Variants in LRRC51 observed in about 807,000 individuals in gnomAD.
LRRC51 encodes the protein leucine rich repeat containing 51, also known as leucine-rich repeat-containing protein 51.
Under a neutral mutation model 17.8 loss-of-function variants are expected in LRRC51, and 8 were observed. The observed-to-expected ratio is 0.45, with a 90% CI of 0.26 to 0.81. The LOEUF is 0.81. Ranked by LOEUF, LRRC51 falls within the 30% of genes least tolerant of loss-of-function variation. LRRC51 has a pLI of 0.17. For synonymous variants in LRRC51, 92 were observed against 96.0 expected (o/e 0.96, Z 0.24); for missense variants, 233 against 239.3 (o/e 0.97, Z 0.17).
intron 3 of LRRC51, among the ~76,000 whole-genome samples, chr11:72,091,846 A>G (rs986290546): frequency 6.6e-6 from 1 of 152,114 alleles, no homozygotes; most frequent in Non-Finnish European, 1.5e-5. Context: ...TTGGCCTCCC[A>G]AAGTGCTGGG....
chr11:72,095,316 C>G, intron 5 of LRRC51, 63 bp from the exon 6 acceptor site: 3 of 1,612,562 alleles, frequency 1.9e-6, no homozygotes, highest in Non-Finnish European at 2.5e-6. Flanking sequence ...ACAACAGCAA[C>G]TAGTGGAGGG....
At chr11:72,090,468 A>G (rs1944792366) in intron 3 of LRRC51, among the ~76,000 whole-genome samples, 1 of 152,142 alleles carries the variant, frequency 6.6e-6, no homozygotes, top group Admixed American at 6.5e-5. Flanking sequence ...CTGAGCACTT[A>G]CTAAAAGCAT....
chr11:72,093,505 A>G lies in LRRC51; in HGVS notation c.92A>G (p.Asn31Ser). The G allele has an allele frequency of 6.2e-7, 1 of 1,613,012 alleles. No individual in the cohort carries two copies. Among genetic ancestry groups the G allele is most frequent in the Non-Finnish European group, 8.5e-7 (1 of 1,179,550 alleles). Residue 31 changes from asparagine (N) to serine (S), a missense_variant, in exon 4 of 6, where the codon AAT (asparagine) becomes AGT (serine). Coordinates refer to ENST00000289488, the MANE Select transcript of LRRC51 (RefSeq NM_145309.6). Reference sequence around the variant, plus strand: ...CACTTTGTCCCCACAGATCTGGTAAATGAGGAGCCAAGGACAGGACTACGA... The same window carrying G: ...CACTTTGTCCCCACAGATCTGGTAAGTGAGGAGCCAAGGACAGGACTACGA... ...RSIHVIQDLV[N>S]EEPRTGLRPL... is the part of the protein sequence containing the mutation.
intron 4 of LRRC51, 119 bp from the exon 5 acceptor site, chr11:72,094,829 G>A: frequency 6.3e-7 from 1 of 1,586,306 alleles, no homozygotes; most frequent in South Asian, 1.1e-5. Context: ...GCTGTGGAGG[G>A]TTGGAGTGGA....
intron 1 of LRRC51, chr11:72,085,642 G>C (rs140061673): frequency 6.6e-6 from 1 of 152,136 alleles, no homozygotes; most frequent in East Asian, 1.9e-4. Flanking sequence ...AGTACAGTGG[G>C]GGCATGCAGA....
rs1487502205 is a variant in LRRC51 at position 72,096,485 on chromosome 11, A to C, written c.*965A>C. ...ACTCCTGACCTCAGGTGATCTGCCC[A>C]CCTCAGCCTCCCAAAGTGCTAGGAT... On this transcript the variant is annotated 3_prime_UTR_variant, in exon 6 of 6. Transcript: ENST00000289488. 8.6e-7 allele frequency: 1 copy of C among 1,159,588 alleles called. No homozygotes were observed. Among genetic ancestry groups the C allele is most frequent in the Non-Finnish European group, 1.1e-6 (1 of 935,916 alleles). 71.8% of individuals were successfully genotyped at this position (1,159,588 alleles called of 1,614,324 possible).
At chr11:72,083,061 C>A (rs1484415501) in intron 1 of LRRC51, among the ~76,000 whole-genome samples, 1 of 152,162 alleles carries the variant, frequency 6.6e-6, no homozygotes, top group Non-Finnish European at 1.5e-5. Flanking sequence ...GACGGGGTTT[C>A]TCCATGTTGG....
chr11:72,086,303 T>G, intron 1 of LRRC51: 1 of 649,624 alleles, frequency 1.5e-6, no homozygotes, highest in Admixed American at 2.4e-5. Context: ...CAGGTCTTTC[T>G]GTGCTCATGA....
At chr11:72,088,657 C>T (rs768954250) in intron 2 of LRRC51, 1 of 551,910 alleles carries the variant, frequency 1.8e-6, no homozygotes, top group Non-Finnish European at 3.2e-6. Context: ...TCCACAGTAA[C>T]TACTGTAGAG....
At chr11:72,092,889 A>G (rs1944944262) in intron 3 of LRRC51, among the ~76,000 whole-genome samples, 1 of 152,124 alleles carries the variant, frequency 6.6e-6, no homozygotes, top group Non-Finnish European at 1.5e-5. Context: ...TGCTGCTACA[A>G]CTATTATATA....
At position 72,088,292 on chromosome 11, in the gene LRRC51, G is replaced by A; in HGVS notation, c.-139-5G>A. On this transcript the variant is annotated splice_polypyrimidine_tract_variant and splice_region_variant and intron_variant, in intron 1 of 5. Coordinates refer to ENST00000289488, the MANE Select transcript of LRRC51 (RefSeq NM_145309.6). ...TGATAACAACATTGTGTTCATCCCTGTCAGGGAGTATTTCCATTTTAACCG... is the reference window on the plus strand; with the variant it reads ...TGATAACAACATTGTGTTCATCCCTATCAGGGAGTATTTCCATTTTAACCG... 2 of 696,842 alleles carry A rather than the reference G, an allele frequency of 2.9e-6. No homozygotes were observed. The highest frequency in any genetic ancestry group is 3.0e-5 in the South Asian group (2 of 66,634). The allele number at this position is 696,842 out of a possible 1,614,324, so 43.2% of individuals were successfully genotyped here.
Position 72,096,401 on chromosome 11 carries a change from C to T in LRRC51, c.*881C>T, listed in dbSNP as rs563842440. The T allele has an allele frequency of 4.6e-6, 2 of 438,368 alleles. No homozygotes were observed. Among genetic ancestry groups the T allele is most frequent in the East Asian group, 1.2e-4 (1 of 8,136 alleles). 27.2% of individuals were successfully genotyped at this position (438,368 alleles called of 1,614,324 possible). On this transcript the variant is annotated 3_prime_UTR_variant, in exon 6 of 6. Coordinates refer to ENST00000289488, the MANE Select transcript of LRRC51 (RefSeq NM_145309.6). ...TAGAAGCGTGAGCCACCACGCCCAG[C>T]CTTTTTTTGTATTTTTAGTAGAGAT...
At chr11:72,087,252 A>G (rs536787865) in intron 1 of LRRC51, among the ~76,000 whole-genome samples, 1 of 151,510 alleles carries the variant, frequency 6.6e-6, no homozygotes, top group East Asian at 1.9e-4. Context: ...AAACTGAATT[A>G]TAAGATATCA....
intron 1 of LRRC51, among the ~76,000 whole-genome samples, chr11:72,082,921 A>G (rs1944326955): frequency 6.6e-6 from 1 of 151,572 alleles, no homozygotes; most frequent in African/African-American, 2.4e-5. Context: ...GCTGGAGTGC[A>G]ATGGCGCAAT....
In LRRC51 at chr11:72,088,321, A is replaced by G. The variant is rs1944660661; in HGVS notation, c.-115A>G. The G allele has an allele frequency of 7.1e-6, 5 of 701,952 alleles. No individual in the cohort carries two copies. The highest frequency in any genetic ancestry group is 2.7e-5 in the East Asian group (1 of 37,292). 43.5% of individuals were successfully genotyped at this position (701,952 alleles called of 1,614,324 possible). ...GGGAGTATTTCCATTTTAACCGGAA[A>G]CAATCCCTGAACCCACAGGAATGAA... On this transcript the variant is annotated 5_prime_UTR_variant, in exon 2 of 6. Transcript: ENST00000289488.
intron 3 of LRRC51, 22 bp downstream of exon 3, chr11:72,089,187 C>G (rs12794072): frequency 1.3e-4 from 203 of 1,614,022 alleles, no homozygotes; most frequent in Non-Finnish European, 1.7e-4. Flanking sequence ...GAGCACAGTA[C>G]TCCACTCACT....
chr11:72,096,693 G>C lies in LRRC51; in HGVS notation c.*1173G>C, dbSNP rs1213600388. ...TCAGCTTAGAGATTTGGGGGTTAAA[G>C]TAGATCAGTAATTTCCAAACTCTTC... On this transcript the variant is annotated 3_prime_UTR_variant, in exon 6 of 6. Coordinates refer to ENST00000289488, the MANE Select transcript of LRRC51 (RefSeq NM_145309.6). The C allele has an allele frequency of 1.4e-5, 22 of 1,548,428 alleles. No homozygotes were observed. The highest frequency in any genetic ancestry group is 1.8e-5 in the Non-Finnish European group (21 of 1,145,498).
intron 1 of LRRC51, among the ~76,000 whole-genome samples, chr11:72,082,864 ATTT>A (rs879655507): frequency 2.7e-5 from 4 of 145,506 alleles, no homozygotes; most frequent in Non-Finnish European, 6.1e-5. Context: ...CCCACCCCCA[ATTT>A]TTTTTTTTTC....
At chr11:72,082,927 G>T (rs546338746) in intron 1 of LRRC51, among the ~76,000 whole-genome samples, 1 of 151,762 alleles carries the variant, frequency 6.6e-6, no homozygotes, top group East Asian at 1.9e-4. Flanking sequence ...GTGCAATGGC[G>T]CAATCTCGGC....
Sources: allele counts gnomAD v4.1 joint callset (sites outside exome capture counted in the v4.1 genomes callset), GRCh38; gene constraint gnomAD v4.1.1; transcripts MANE v1.5; gene names NCBI Gene and HGNC (gene_info 2026-07-23, HGNC 2026-07-21).